SUGCT: variants seen among roughly 807,000 people sequenced by gnomAD.
The protein encoded by SUGCT is succinyl-CoA:glutarate-CoA transferase, also known as succinyl-CoA:glutarate CoA-transferase.
In SUGCT, 41 loss-of-function variants were observed where a neutral mutation model predicts 55.0. The ratio of observed to expected loss-of-function variants is 0.74; its 90% CI spans 0.58 to 0.97. The LOEUF (loss-of-function observed/expected upper bound fraction) is 0.97, where lower values mean the gene tolerates loss of function less well. Ranked by LOEUF, SUGCT falls within the 50% of genes least tolerant of loss-of-function variation. The pLI, the probability that SUGCT is intolerant of heterozygous loss-of-function variation, is 0.00. For synonymous variants in SUGCT, 187 were observed against 200.4 expected, an observed-to-expected ratio of 0.93 and a Z score of 0.56; for missense variants, 568 against 547.8, an observed-to-expected ratio of 1.04 and a Z score of -0.37.
the SUGCT span, among the ~76,000 whole-genome samples, chr7:40,973,568 T>A: frequency 6.6e-6 from 1 of 152,172 alleles, no homozygotes; most frequent in East Asian, 1.9e-4. Flanking sequence ...AGAGAGCTAA[T>A]TAAGTAGGAA....
chr7:40,695,318 C>A (rs1784877962), intron 12 of SUGCT, among the ~76,000 whole-genome samples: 1 of 151,862 alleles, frequency 6.6e-6, no homozygotes, highest in South Asian at 2.1e-4. Flanking sequence ...CCACCTCAGA[C>A]TCCTGCATAG....
chr7:40,229,363 A>G (rs1442255606), intron 6 of SUGCT, among the ~76,000 whole-genome samples: 1 of 152,092 alleles, frequency 6.6e-6, no homozygotes, highest in Non-Finnish European at 1.5e-5. Context: ...TACTAAAAAT[A>G]CAAACATTAA....
chr7:40,681,987 T>C (rs1165824606), intron 12 of SUGCT, among the ~76,000 whole-genome samples: 4 of 152,204 alleles, frequency 2.6e-5, no homozygotes, highest in East Asian at 1.9e-4. Context: ...CATGTGAAGA[T>C]ATCTTGAGTT....
intron 13 of SUGCT, among the ~76,000 whole-genome samples, chr7:40,843,282 C>T (rs907361958): frequency 5.9e-5 from 9 of 151,934 alleles, no homozygotes; most frequent in South Asian, 2.1e-4. Flanking sequence ...GAGGCCGAGG[C>T]GGGCAGATCA....
chr7:40,258,422 A>G (rs865987136), intron 7 of SUGCT, among the ~76,000 whole-genome samples: 5 of 152,176 alleles, frequency 3.3e-5, no homozygotes, highest in African/African-American at 9.7e-5. Flanking sequence ...TCTGTTGCCC[A>G]GGCTGGAGTG....
chr7:40,899,591 A>G, the SUGCT span, among the ~76,000 whole-genome samples: 54 of 152,206 alleles, frequency 3.5e-4, no homozygotes, highest in African/African-American at 1.3e-3. Flanking sequence ...AAAGGCTCCA[A>G]GAAGGTAACT....
At chr7:40,658,129 T>C (rs1278239912) in intron 12 of SUGCT, among the ~76,000 whole-genome samples, 1 of 152,206 alleles carries the variant, frequency 6.6e-6, no homozygotes, top group East Asian at 1.9e-4. Context: ...TTGTATCAAG[T>C]CTTCGATTAA....
intron 12 of SUGCT, among the ~76,000 whole-genome samples, chr7:40,501,834 G>A (rs774896384): frequency 2.6e-5 from 4 of 152,078 alleles, no homozygotes; most frequent in Non-Finnish European, 4.4e-5. Flanking sequence ...AATGCTCTGA[G>A]CATTTCTAAT....
chr7:40,867,285 C>T, the SUGCT span, among the ~76,000 whole-genome samples: 1 of 150,118 alleles, frequency 6.7e-6, no homozygotes, highest in African/African-American at 2.4e-5. Flanking sequence ...AAGAACATCT[C>T]ATAAGCTCAT....
chr7:40,802,091 A>T lies in SUGCT; in HGVS notation c.1153+52594A>T, dbSNP rs576698808. Among the ~76,000 whole-genome samples, 333 of 152,182 alleles carry T rather than the reference A, an allele frequency of 2.2e-3. 1 individual carries two copies. The highest frequency in any genetic ancestry group is 7.9e-3 in the African/African-American group (327 of 41,526). ...GAATGGAAACAGTGACTTGAAATGG[A>T]GTACAATTAAGCTAAATAAGAGGAA... On this transcript the variant is annotated intron_variant, in intron 13 of 13. Coordinates refer to ENST00000335693, the MANE Select transcript of SUGCT (RefSeq NM_001193313.2).
chr7:40,182,501 G>A (rs552726932), intron 3 of SUGCT, among the ~76,000 whole-genome samples: 18 of 150,700 alleles, frequency 1.2e-4, no homozygotes, highest in Admixed American at 1.1e-3. Flanking sequence ...GGTGGAGGTT[G>A]CTGTGAGCCA....
chr7:40,350,901 T>C (rs1797598588), intron 9 of SUGCT, among the ~76,000 whole-genome samples: 1 of 151,960 alleles, frequency 6.6e-6, no homozygotes, highest in Non-Finnish European at 1.5e-5. Flanking sequence ...GTTTTTCTGT[T>C]CTTGTGTTAG....
At chr7:40,527,548 G>T (rs1793870136) in intron 12 of SUGCT, among the ~76,000 whole-genome samples, 1 of 152,198 alleles carries the variant, frequency 6.6e-6, no homozygotes, top group South Asian at 2.1e-4. Context: ...AGGCAGTGTT[G>T]AAAGGGAGAC....
the SUGCT span, among the ~76,000 whole-genome samples, chr7:40,926,696 A>C: frequency 6.6e-6 from 1 of 152,190 alleles, no homozygotes; most frequent in African/African-American, 2.4e-5. Flanking sequence ...AACAGTGAGA[A>C]GACAGCCAGC....
At chr7:40,500,236 G>A (rs1234202544) in intron 12 of SUGCT, among the ~76,000 whole-genome samples, 1 of 152,146 alleles carries the variant, frequency 6.6e-6, no homozygotes, top group African/African-American at 2.4e-5. Context: ...GGGAAGAGAG[G>A]GCACAGGGTG....
intron 12 of SUGCT, among the ~76,000 whole-genome samples, chr7:40,710,012 C>G (rs953977118): frequency 1.3e-5 from 2 of 152,132 alleles, no homozygotes; most frequent in Non-Finnish European, 2.9e-5. Context: ...CAAATTTTAC[C>G]CTAAACAGCA....
intron 9 of SUGCT, among the ~76,000 whole-genome samples, chr7:40,372,084 T>C (rs1458177395): frequency 6.6e-6 from 1 of 152,054 alleles, no homozygotes; most frequent in East Asian, 1.9e-4. Context: ...GTTTTTGACA[T>C]GGTTTTACTG....
chr7:40,280,597 T>TAC (rs2151017505), intron 8 of SUGCT, among the ~76,000 whole-genome samples: 1 of 152,348 alleles, frequency 6.6e-6, no homozygotes, highest in South Asian at 2.1e-4. Context: ...ACATTGATCA[T>TAC]ATTACATGAA....
chr7:40,884,474 T>A, the SUGCT span, among the ~76,000 whole-genome samples: 1 of 152,196 alleles, frequency 6.6e-6, no homozygotes, highest in Admixed American at 6.5e-5. Flanking sequence ...GTGGGCTCTC[T>A]GGATGCCATT....
Sources: allele counts gnomAD v4.1 joint callset (sites outside exome capture counted in the v4.1 genomes callset), GRCh38; gene constraint gnomAD v4.1.1; transcripts MANE v1.5; gene names NCBI Gene and HGNC (gene_info 2026-07-23, HGNC 2026-07-21).